The following NOL10 variants were observed in gnomAD, a reference collection of about 807,000 sequenced individuals.
NOL10 encodes the protein nucleolar protein 10.
A neutral mutation model predicts 103.5 loss-of-function variants in NOL10; 58 were observed. That is an observed-to-expected ratio of 0.56 (90% confidence interval 0.45 to 0.70). The LOEUF is 0.70. Among genes scored for constraint, NOL10 ranks in the 30% least tolerant of loss-of-function variants. The pLI is 0.00. For missense variants in NOL10, 763 were observed against 807.3 expected (o/e 0.95, Z 0.67); for synonymous variants, 287 against 282.5 (o/e 1.02, Z -0.16).
chr2:10,609,493 G>A (rs570419669), intron 13 of NOL10, among the ~76,000 whole-genome samples: 21 of 151,352 alleles, frequency 1.4e-4, no homozygotes, highest in South Asian at 8.3e-4. Context: ...CCAGTTACTC[G>A]GGAGGCTGAG....
At chr2:10,628,766 C>T (rs990135009) in intron 13 of NOL10, among the ~76,000 whole-genome samples, 1 of 152,156 alleles carries the variant, frequency 6.6e-6, no homozygotes. Context: ...TGCTGTCATG[C>T]GCAGTATTAG....
intron 13 of NOL10, among the ~76,000 whole-genome samples, chr2:10,617,665 A>C (rs1327459046): frequency 6.6e-6 from 1 of 152,200 alleles, no homozygotes; most frequent in Non-Finnish European, 1.5e-5. Flanking sequence ...TTAAGAGACT[A>C]GCTACTTCAC....
intron 1 of NOL10, among the ~76,000 whole-genome samples, chr2:10,689,373 C>T (rs1682449829): frequency 6.6e-6 from 1 of 152,238 alleles, no homozygotes; most frequent in Non-Finnish European, 1.5e-5. Context: ...CCCTTGTTCA[C>T]TGTTGTATCC....
intron 13 of NOL10, among the ~76,000 whole-genome samples, chr2:10,625,656 C>T (rs1040091085): frequency 2.6e-5 from 4 of 152,098 alleles, no homozygotes; most frequent in African/African-American, 9.7e-5. Context: ...TCTGTAATAA[C>T]TACTTTCTAG....
intron 13 of NOL10, among the ~76,000 whole-genome samples, chr2:10,643,696 T>C (rs1231331137): frequency 6.6e-6 from 1 of 152,306 alleles, no homozygotes; most frequent in East Asian, 1.9e-4. Flanking sequence ...TAATAGACTT[T>C]TCAGAATTAG....
At chr2:10,611,569 C>A (rs1676568221) in intron 13 of NOL10, among the ~76,000 whole-genome samples, 2 of 152,204 alleles carry the variant, frequency 1.3e-5, no homozygotes, top group Admixed American at 1.3e-4. Context: ...ACTTCCTGAG[C>A]CCAGGAGTTC....
chr2:10,685,921 G>A, intron 1 of NOL10, among the ~76,000 whole-genome samples: 1 of 93,256 alleles, frequency 1.1e-5, no homozygotes, highest in Admixed American at 9.7e-5. Flanking sequence ...AAGCAGCTGG[G>A]CATGTTGGTA....
In NOL10 at chr2:10,629,208, T is replaced by C. The variant is rs28703134; in HGVS notation, c.1026+15112A>G. Reference sequence around the variant, plus strand: ...AAATGAACTTCTGACAGGATTTCACTTTAAATCCAATCAGTAGCCACTAAA... The same window carrying C: ...AAATGAACTTCTGACAGGATTTCACCTTAAATCCAATCAGTAGCCACTAAA... On this transcript the variant is annotated intron_variant, in intron 13 of 20. Transcript: ENST00000381685. 4.4e-3 allele frequency among the ~76,000 whole-genome samples: 647 copies of C among 148,442 alleles called. 7 individuals carry two copies. The highest frequency in any genetic ancestry group is 0.015 in the African/African-American group (628 of 40,694).
At chr2:10,633,092 C>A (rs999849265) in intron 13 of NOL10, among the ~76,000 whole-genome samples, 12 of 152,178 alleles carry the variant, frequency 7.9e-5, no homozygotes, top group Admixed American at 2.6e-4. Flanking sequence ...ACTCACCTGA[C>A]AGAACCAGGA....
intron 13 of NOL10, among the ~76,000 whole-genome samples, chr2:10,627,826 T>C (rs1435075839): frequency 6.6e-6 from 1 of 151,972 alleles, no homozygotes; most frequent in Non-Finnish European, 1.5e-5. Context: ...AATCGCATCC[T>C]AAACCTCAAC....
At chr2:10,580,600 G>C (rs1572227000) in intron 19 of NOL10, among the ~76,000 whole-genome samples, 1 of 152,076 alleles carries the variant, frequency 6.6e-6, no homozygotes, top group South Asian at 2.1e-4. Context: ...GGCTCCCAGG[G>C]GAAGAACCTA....
At chr2:10,635,709 T>C (rs972342368) in intron 13 of NOL10, among the ~76,000 whole-genome samples, 11 of 152,188 alleles carry the variant, frequency 7.2e-5, no homozygotes, top group Non-Finnish European at 1.3e-4. Flanking sequence ...GAGTGTACAA[T>C]AGAGAACATG....
chr2:10,650,981 G>A (rs1679418433), intron 12 of NOL10, among the ~76,000 whole-genome samples: 1 of 152,102 alleles, frequency 6.6e-6, no homozygotes, highest in Non-Finnish European at 1.5e-5. Flanking sequence ...TCAACAGTCT[G>A]AGCCTGAGTA....
At chr2:10,655,407 G>A (rs1213921965) in intron 11 of NOL10, among the ~76,000 whole-genome samples, 1 of 152,180 alleles carries the variant, frequency 6.6e-6, no homozygotes, top group African/African-American at 2.4e-5. Context: ...TTTCGAGGAG[G>A]ATCAAGTGAG....
At chr2:10,685,619 G>A (rs1258805313) in intron 1 of NOL10, among the ~76,000 whole-genome samples, 1 of 151,956 alleles carries the variant, frequency 6.6e-6, no homozygotes, top group Non-Finnish European at 1.5e-5. Flanking sequence ...GAGACTGTAG[G>A]TCAAATTGTG....
intron 20 of NOL10, among the ~76,000 whole-genome samples, chr2:10,576,913 G>GAAA (rs141148925): frequency 6.0e-5 from 9 of 150,582 alleles, no homozygotes; most frequent in East Asian, 3.9e-4. Flanking sequence ...ACTGCTTAAG[G>GAAA]AAAAAAAAAG....
At chr2:10,600,277 C>G (rs1442980678) in intron 17 of NOL10, among the ~76,000 whole-genome samples, 2 of 152,182 alleles carry the variant, frequency 1.3e-5, no homozygotes, top group South Asian at 2.1e-4. Context: ...TTTTATTTAT[C>G]TTATGACTGA....
In NOL10 at chr2:10,589,147, G is replaced by A. The variant is rs1470331514; in HGVS notation, c.1740C>T (p.Leu580=). ...QEEKVKRQER[L]KEDQQTVLKP... Reference sequence around the variant, plus strand: ...TTAGGACTGTCTGCTGGTCCTCCTTGAGTCGTTCCTGCCGCTTCACTTTTT... The same window carrying A: ...TTAGGACTGTCTGCTGGTCCTCCTTAAGTCGTTCCTGCCGCTTCACTTTTT... Residue 580 remains leucine (L), a synonymous_variant, in exon 19 of 21, where the codon CTC becomes CTT. Coordinates refer to ENST00000381685, the MANE Select transcript of NOL10 (RefSeq NM_024894.4). The A allele has an allele frequency of 6.2e-7, 1 of 1,613,980 alleles. No homozygotes were observed. The highest frequency in any genetic ancestry group is 1.7e-5 in the Admixed American group (1 of 60,032).
intron 13 of NOL10, among the ~76,000 whole-genome samples, chr2:10,610,558 A>G (rs1356988103): frequency 6.6e-6 from 1 of 152,230 alleles, no homozygotes; most frequent in Non-Finnish European, 1.5e-5. Flanking sequence ...CCACCATAAC[A>G]AAGTTGAAAT....
Sources: allele counts gnomAD v4.1 joint callset (sites outside exome capture counted in the v4.1 genomes callset), GRCh38; gene constraint gnomAD v4.1.1; transcripts MANE v1.5; gene names NCBI Gene and HGNC (gene_info 2026-07-23, HGNC 2026-07-21).